TRPV5: variants seen among roughly 807,000 people sequenced by gnomAD.
The protein encoded by TRPV5 is transient receptor potential cation channel subfamily V member 5, also known as calcium transport protein 2.
Under a neutral mutation model 74.1 loss-of-function variants are expected in TRPV5, and 66 were observed. That is an observed-to-expected ratio of 0.89 (90% CI 0.73 to 1.09). The LOEUF (loss-of-function observed/expected upper bound fraction) is 1.09. TRPV5 is among the 50% of genes least tolerant of loss of function. The probability of loss-of-function intolerance (pLI) is 0.00; values close to 1 mark genes in which losing one functional copy is unlikely to be tolerated. For synonymous variants in TRPV5, 399 were observed against 360.7 expected, an observed-to-expected ratio of 1.11 and a Z score of -1.20; for missense variants, 936 against 930.4, an observed-to-expected ratio of 1.01 and a Z score of -0.08.
Position 142,921,932 on chromosome 7 carries a change from C to T in TRPV5, c.1122+3597G>A, listed in dbSNP as rs140780232. Among the ~76,000 whole-genome samples, 33 of 152,326 alleles carry T rather than the reference C, an allele frequency of 2.2e-4. No homozygotes were observed. The East Asian group carries it at 3.3e-3, about 15-fold the overall frequency. ...ATATGCATTCTTTCTGTCTAGAACTCTCTTTTCACGTTGAATTCATACCTA... is the reference window on the plus strand; with the variant it reads ...ATATGCATTCTTTCTGTCTAGAACTTTCTTTTCACGTTGAATTCATACCTA... On this transcript the variant is annotated intron_variant, in intron 8 of 14. Transcript: ENST00000265310.
chr7:142,928,784 A>G lies in TRPV5; in HGVS notation c.669T>C (p.Asp223=), dbSNP rs568086241. ...GGGGCTGCAGGTGGTCCCCATGTCC[A>G]TCATAGGACAGCAGCAGGTTGTACA... ...CQMYNLLLSY[D]GHGDHLQPLD... is the part of the protein sequence containing the mutation. Residue 223 remains aspartate (D), a synonymous_variant, in exon 6 of 15, where the codon GAT becomes GAC. Transcript: ENST00000265310. 22 of 1,614,148 alleles carry G rather than the reference A, an allele frequency of 1.4e-5. No individual in the cohort carries two copies. In the East Asian group the frequency reaches 2.7e-4, roughly 20 times the overall value.
At position 142,912,527 on chromosome 7, in the gene TRPV5, G is replaced by T. The variant is rs1177600298; in HGVS notation, c.1743C>A (p.Thr581=). Residue 581 remains threonine (T), a synonymous_variant, in exon 13 of 15, where the codon ACC becomes ACA. Transcript: ENST00000265310. The stretch of plus-strand genomic sequence containing the variant: ...CCCTCTCCTGGGCCACCCTCCAGTG[G>T]GTGTCGCCCATCATGGCGATGAACA... ...LNLFIAMMGD[T]HWRVAQERDE... 4 of 1,614,104 alleles carry T rather than the reference G, an allele frequency of 2.5e-6. No individual in the cohort carries two copies. The highest frequency in any genetic ancestry group is 1.7e-5 in the Admixed American group (1 of 60,010).
At chr7:142,930,604 G>A (rs1796073715) in intron 1 of TRPV5, among the ~76,000 whole-genome samples, 158 bp from the exon 2 acceptor site, 1 of 152,226 alleles carries the variant, frequency 6.6e-6, no homozygotes, top group South Asian at 2.1e-4. Context: ...GACCGAGGGT[G>A]GACTTGGGCA....
At position 142,930,342 on chromosome 7, in the gene TRPV5, A is replaced by T. The variant is rs1482698473; in HGVS notation, c.226+7T>A. On this transcript the variant is annotated splice_region_variant and intron_variant, in intron 2 of 14. Coordinates refer to ENST00000265310, the MANE Select transcript of TRPV5 (RefSeq NM_019841.7). ...CCCACCTCCATCCCATTAAATCCAG[A>T]TCCCACCTCTTTGTCGAACGTCACA... 1.2e-6 allele frequency: 2 copies of T among 1,613,998 alleles called. No individual in the cohort carries two copies. The highest frequency in any genetic ancestry group is 2.2e-5 in the South Asian group (2 of 91,088).
At chr7:142,929,975 T>A in intron 3 of TRPV5, 83 bp downstream of exon 3, 1 of 1,597,730 alleles carries the variant, frequency 6.3e-7, no homozygotes, top group Non-Finnish European at 8.5e-7. Context: ...CCCCAACCCA[T>A]CCTTCAGAGG....
chr7:142,928,340 C>T (rs983775018), intron 6 of TRPV5, 106 bp from the exon 7 acceptor site: 7 of 1,199,626 alleles, frequency 5.8e-6, no homozygotes, highest in African/African-American at 1.5e-5. Context: ...GACAGACAGA[C>T]AGTGGGAACC....
chr7:142,922,979 C>T (rs1795910096), intron 8 of TRPV5, among the ~76,000 whole-genome samples: 2 of 152,092 alleles, frequency 1.3e-5, no homozygotes, highest in African/African-American at 4.8e-5. Context: ...TTTTTGCTAC[C>T]TTATACAGAG....
At chr7:142,913,358 A>T (rs911307904) in intron 12 of TRPV5, among the ~76,000 whole-genome samples, 3 of 152,178 alleles carry the variant, frequency 2.0e-5, no homozygotes, top group East Asian at 1.9e-4. Flanking sequence ...AAGCCTCCTC[A>T]CTGCATAGGG....
At chr7:142,922,055 T>C (rs1164747641) in intron 8 of TRPV5, among the ~76,000 whole-genome samples, 1 of 152,198 alleles carries the variant, frequency 6.6e-6, no homozygotes, top group Non-Finnish European at 1.5e-5. Context: ...GCTTTTCTCA[T>C]CATAAGAAAA....
chr7:142,929,970 A>G, intron 3 of TRPV5, 88 bp downstream of exon 3: 2 of 1,594,946 alleles, frequency 1.3e-6, no homozygotes, highest in Non-Finnish European at 1.7e-6. Flanking sequence ...CCCCACCCCA[A>G]CCCATCCTTC....
In TRPV5 at chr7:142,908,576, C is replaced by T; in HGVS notation, c.2128G>A (p.Gly710Arg). The T allele has an allele frequency of 1.2e-6, 2 of 1,614,168 alleles. No homozygotes were observed. The highest frequency in any genetic ancestry group is 1.7e-6 in the Non-Finnish European group (2 of 1,180,036). The part of the protein sequence containing the change: ...GWEILRQNTL[G>R]HLNLGLNLSE... ...AGGTTCAGTCCAAGATTCAAGTGCC[C>T]CAGGGTGTTTTGACGAAGGATCTCC... The change falls in exon 15 of 15, where the codon GGG becomes AGG. Residue 710 changes from glycine (G) to arginine (R), a missense_variant. Coordinates refer to ENST00000265310, the MANE Select transcript of TRPV5 (RefSeq NM_019841.7).
Position 142,925,587 on chromosome 7 carries a change from C to A in TRPV5, c.1064G>T (p.Arg355Leu). The A allele has an allele frequency of 2.5e-6, 4 of 1,614,110 alleles. No individual in the cohort carries two copies. The highest frequency in any genetic ancestry group is 3.4e-6 in the Non-Finnish European group (4 of 1,180,028). Reference sequence around the variant, plus strand: ...TCGAGAATGAGTGCGGTTGCCACCACGAAACTTAAGGGGGCGGTAGACGCA... The same window carrying A: ...TCGAGAATGAGTGCGGTTGCCACCAAGAAACTTAAGGGGGCGGTAGACGCA... ...TCCVYRPLKF[R>L]GGNRTHSRDI... Residue 355 changes from arginine to leucine, a missense_variant, in exon 8 of 15, where the codon CGT becomes CTT. Coordinates refer to ENST00000265310, the MANE Select transcript of TRPV5 (RefSeq NM_019841.7).
chr7:142,914,350 A>G, intron 12 of TRPV5, among the ~76,000 whole-genome samples: 1 of 152,084 alleles, frequency 6.6e-6, no homozygotes, highest in East Asian at 1.9e-4. Context: ...TTCTCACCAA[A>G]AGTCTTTTCC....
rs1480239698 is a variant in TRPV5, at chr7:142,928,186, C to T, written c.811G>A (p.Gly271Arg). 1.2e-6 allele frequency: 2 copies of T among 1,614,124 alleles called. No homozygotes were observed. Among genetic ancestry groups the T allele is most frequent in the Admixed American group, 1.7e-5 (1 of 60,012 alleles). The part of the protein sequence containing the change: ...QKRRHIQWTY[G>R]PLTSILYDLT... ...TCGTAGAGAATGGAGGTCAGGGGTCCATACGTCCACTGGATGTGCCTCCGC... is the reference window on the plus strand; with the variant it reads ...TCGTAGAGAATGGAGGTCAGGGGTCTATACGTCCACTGGATGTGCCTCCGC... Residue 271 changes from glycine to arginine, a missense_variant, in exon 7 of 15, where the codon GGA becomes AGA. Gly to Arg is a moderately radical substitution (Grantham distance 125). Transcript: ENST00000265310.
At chr7:142,921,913 A>G (rs535539724) in intron 8 of TRPV5, among the ~76,000 whole-genome samples, 1 of 152,284 alleles carries the variant, frequency 6.6e-6, no homozygotes, top group South Asian at 2.1e-4. Flanking sequence ...TTGAATATGC[A>G]TTCTTTCTGT....
chr7:142,914,800 T>C, intron 11 of TRPV5, 81 bp downstream of exon 11: 1 of 1,609,730 alleles, frequency 6.2e-7, no homozygotes, highest in Non-Finnish European at 8.5e-7. Flanking sequence ...CCCATAGTTC[T>C]ACCAGCTCCA....
chr7:142,915,275 A>G lies in TRPV5; in HGVS notation c.1286+32T>C, dbSNP rs376087831. 25 of 1,606,268 alleles carry G rather than the reference A, an allele frequency of 1.6e-5. No homozygotes were observed. In the African/African-American group the frequency reaches 2.8e-4, roughly 18 times the overall value. On this transcript the variant is annotated intron_variant, in intron 10 of 14. Coordinates refer to ENST00000265310, the MANE Select transcript of TRPV5 (RefSeq NM_019841.7). ...AGACAGGAAAAGATTCTGGTAAGGA[A>G]AGGCAGGGGGCTGGAATGAGGGGAT...
intron 12 of TRPV5, among the ~76,000 whole-genome samples, chr7:142,914,325 CT>C (rs1795755110): frequency 6.6e-6 from 1 of 152,134 alleles, no homozygotes; most frequent in Non-Finnish European, 1.5e-5. Flanking sequence ...CCAGTCTTTC[CT>C]GTTTAATGCC....
chr7:142,930,107 CTCCA>C lies in TRPV5; in HGVS notation c.296_299del (p.Met99ArgfsTer27). ...GCTCAAAGACCAGCTCTGGGGCAGC[CTCCA>C]TCAGCACCAAGGCCGCCTCCAAGTT... On this transcript the variant is annotated frameshift_variant, in exon 3 of 15. Transcript: ENST00000265310. LOFTEE classifies it high-confidence loss of function. 1 of 1,614,194 alleles carries C rather than the reference CTCCA, an allele frequency of 6.2e-7. No individual in the cohort carries two copies. The highest frequency in any genetic ancestry group is 8.5e-7 in the Non-Finnish European group (1 of 1,180,040).
Sources: gnomAD v4.1 joint callset for allele counts (sites outside exome capture counted in the v4.1 genomes callset) on GRCh38, gnomAD v4.1.1 for gene constraint, MANE v1.5 for transcripts, NCBI Gene and HGNC (gene_info 2026-07-23, HGNC 2026-07-21) for gene names.